Variants in BFSP1 observed in about 807,000 individuals in gnomAD.
BFSP1 encodes the protein filensin.
In BFSP1, 38 loss-of-function variants were observed where a neutral mutation model predicts 43.9. The observed-to-expected ratio is 0.87, with a 90% CI of 0.67 to 1.14. The LOEUF (loss-of-function observed/expected upper bound fraction) is 1.14. Ranked by LOEUF, BFSP1 falls within the 50% of genes most tolerant of loss-of-function variation. The probability of loss-of-function intolerance (pLI) is 0.00; values close to 1 mark genes in which losing one functional copy is unlikely to be tolerated. For synonymous variants in BFSP1, 352 were observed against 354.8 expected (o/e 0.99, Z 0.09); for missense variants, 850 against 875.1 (o/e 0.97, Z 0.36).
intron 6 of BFSP1, among the ~76,000 whole-genome samples, chr20:17,497,459 T>TATACACACACAC (rs1555800560): frequency 9.0e-5 from 13 of 144,952 alleles, no homozygotes; most frequent in Middle Eastern, 7.2e-3. Context: ...TATATATATA[T>TATACACACACAC]ACACACACAC....
chr20:17,534,271 C>A (rs1214194677), upstream of BFSP1, among the ~76,000 whole-genome samples: 4 of 152,168 alleles, frequency 2.6e-5, no homozygotes, highest in African/African-American at 9.7e-5. Flanking sequence ...AGTTTGGGGG[C>A]AGGGACAGGA....
chr20:17,531,420 G>C, upstream of BFSP1: 2 of 1,252,416 alleles, frequency 1.6e-6, no homozygotes, highest in Non-Finnish European at 2.0e-6. Flanking sequence ...AAACACCGGA[G>C]GCCCCCGGCG....
intron 1 of BFSP1, among the ~76,000 whole-genome samples, chr20:17,565,234 A>C (rs1348254244): frequency 6.6e-6 from 1 of 152,194 alleles, no homozygotes; most frequent in Non-Finnish European, 1.5e-5. Context: ...GAGATTGTCA[A>C]CTACTGTAGG....
chr20:17,496,887 G>C (rs953946342), intron 7 of BFSP1, 51 bp downstream of exon 7: 1 of 1,371,042 alleles, frequency 7.3e-7, no homozygotes, highest in African/African-American at 1.5e-5. Flanking sequence ...AGAGCCGCTT[G>C]GTTTTTTTCA....
intron 3 of BFSP1, among the ~76,000 whole-genome samples, chr20:17,513,403 C>T (rs1231171084): frequency 6.6e-6 from 1 of 152,160 alleles, no homozygotes; most frequent in African/African-American, 2.4e-5. Flanking sequence ...TCACCGTCAT[C>T]ATCATCATCA....
intron 3 of BFSP1, 91 bp from the exon 4 acceptor site, chr20:17,512,159 G>A (rs182997423): frequency 2.7e-5 from 26 of 980,546 alleles, no homozygotes; most frequent in Middle Eastern, 2.4e-4. Context: ...GGACACTTCC[G>A]CACGCTCCCT....
At chr20:17,547,897 A>ATTTTTTTTTT (rs71192391) in intron 1 of BFSP1, among the ~76,000 whole-genome samples, 214 of 101,838 alleles carry the variant, frequency 2.1e-3, no homozygotes, top group African/African-American at 3.5e-3. Flanking sequence ...TGCCCGGCCA[A>ATTTTTTTTTT]TTTTTTTTTT....
At chr20:17,545,076 G>C (rs1014591244) in intron 1 of BFSP1, among the ~76,000 whole-genome samples, 10 of 152,182 alleles carry the variant, frequency 6.6e-5, no homozygotes, top group Non-Finnish European at 2.9e-5. Flanking sequence ...CAATGCAATA[G>C]AAATTGACAT....
intron 7 of BFSP1, among the ~76,000 whole-genome samples, chr20:17,495,582 T>C (rs558800320): frequency 1.1e-4 from 17 of 152,276 alleles, no homozygotes; most frequent in African/African-American, 4.1e-4. Flanking sequence ...TCAAGCTAGA[T>C]AAATGCCACC....
chr20:17,522,928 G>A (rs1026330882), intron 2 of BFSP1, among the ~76,000 whole-genome samples: 1 of 152,206 alleles, frequency 6.6e-6, no homozygotes, highest in Non-Finnish European at 1.5e-5. Flanking sequence ...ACTCCTCGCT[G>A]GGGCTCTGCA....
At position 17,507,576 on chromosome 20, in the gene BFSP1, A is replaced by G. The variant is rs1037672535; in HGVS notation, c.735+1313T>C. The stretch of plus-strand genomic sequence containing the variant: ...ACATACACAGCACACACACATACAC[A>G]TGACACACACACACCACACACACTT... On this transcript the variant is annotated intron_variant, in intron 5 of 7. Transcript: ENST00000377873. This position sits in a 1 kb window ranked among gnomAD's most constrained non-coding sequence, Gnocchi z 4.4. Among the ~76,000 whole-genome samples, 1 of 151,802 alleles carries G rather than the reference A, an allele frequency of 6.6e-6. No homozygotes were observed. Among genetic ancestry groups the G allele is most frequent in the Non-Finnish European group, 1.5e-5 (1 of 67,912 alleles).
chr20:17,497,358 TTTAG>T (rs1406991428), intron 6 of BFSP1, among the ~76,000 whole-genome samples: 3 of 151,928 alleles, frequency 2.0e-5, no homozygotes, highest in Admixed American at 6.6e-5. Flanking sequence ...TTTTGATTTT[TTTAG>T]TTAGAGTAGT....
intron 3 of BFSP1, 85 bp from the exon 4 acceptor site, chr20:17,512,153 A>G: frequency 1.9e-6 from 2 of 1,051,446 alleles, no homozygotes; most frequent in Non-Finnish European, 2.9e-6. Flanking sequence ...AGGAATGGAC[A>G]CTTCCGCACG....
intron 4 of BFSP1, among the ~76,000 whole-genome samples, chr20:17,509,716 C>T (rs941678796): frequency 1.3e-5 from 2 of 152,176 alleles, no homozygotes; most frequent in Non-Finnish European, 2.9e-5. Flanking sequence ...CGGATGTCAG[C>T]GCAGCACAAA....
At chr20:17,548,180 CAAAAAA>C (rs11470598) in intron 1 of BFSP1, among the ~76,000 whole-genome samples, 41,419 of 120,012 alleles carry the variant, frequency 0.35, 6,490 homozygotes, top group Non-Finnish European at 0.37. Context: ...GAAAATAATG[CAAAAAA>C]AAAAAAAAAA....
chr20:17,504,817 G>A (rs1479703780), intron 5 of BFSP1, among the ~76,000 whole-genome samples: 1 of 152,074 alleles, frequency 6.6e-6, no homozygotes, highest in Admixed American at 6.5e-5. Context: ...CTGAGGGCAC[G>A]ACACAGGCAG....
intron 1 of BFSP1, among the ~76,000 whole-genome samples, chr20:17,536,651 C>T (rs2034633471): frequency 6.6e-6 from 1 of 152,126 alleles, no homozygotes; most frequent in South Asian, 2.1e-4. Context: ...AGATGTTTTG[C>T]CTTTTAGTCA....
chr20:17,494,905 T>C lies in BFSP1; in HGVS notation c.1167A>G (p.Ala389=), dbSNP rs1420802874. 2 of 1,614,238 alleles carry C rather than the reference T, an allele frequency of 1.2e-6. No individual in the cohort carries two copies. Among genetic ancestry groups the C allele is most frequent in the South Asian group, 2.2e-5 (2 of 91,082 alleles). The change falls in exon 8 of 8, where the codon GCA becomes GCG. Residue 389 remains alanine, a synonymous_variant. Coordinates refer to ENST00000377873, the MANE Select transcript of BFSP1 (RefSeq NM_001195.5). ...KDKTNGALED[A]PLKGLEDTKL... ...TTGTGTCTTCCAAACCTTTTAATGG[T>C]GCATCTTCCAGAGCTCCGTTGGTTT... is the stretch of plus-strand genomic sequence containing the variant.
Position 17,531,227 on chromosome 20 carries a change from A to G in BFSP1, c.103T>C (p.Trp35Arg). 7.2e-7 allele frequency: 1 copy of G among 1,385,366 alleles called. No homozygotes were observed. The highest frequency in any genetic ancestry group is 1.6e-5 in the South Asian group (1 of 64,258). The allele number at this position is 1,385,366 out of a possible 1,614,324, so 85.8% of individuals were successfully genotyped here. Residue 35 changes from tryptophan (W) to arginine (R), a missense_variant, in exon 1 of 8, where the codon TGG becomes CGG. By Grantham distance (101) the Trp-to-Arg change is moderately radical. Transcript: ENST00000377873. ...AEPERPADEG[W>R]AGATSLAALQ... Reference sequence around the variant, plus strand: ...GCCGCCAGGCTCGTTGCCCCAGCCCAGCCCTCGTCGGCCGGGCGCTCGGGC... The same window carrying G: ...GCCGCCAGGCTCGTTGCCCCAGCCCGGCCCTCGTCGGCCGGGCGCTCGGGC...
Sources: gnomAD v4.1 joint callset for allele counts (sites outside exome capture counted in the v4.1 genomes callset) on GRCh38, gnomAD v4.1.1 for gene constraint, Gnocchi (gnomAD v3.1) non-coding constraint, MANE v1.5 for transcripts, NCBI Gene and HGNC (gene_info 2026-07-23, HGNC 2026-07-21) for gene names.